The following ZC3H12B variants were observed in gnomAD, a reference collection of about 807,000 sequenced individuals.
ZC3H12B encodes probable ribonuclease ZC3H12B.
In ZC3H12B, 7 loss-of-function variants were observed where a neutral mutation model predicts 43.9. The observed-to-expected ratio is 0.16, with a 90% CI of 0.09 to 0.30. The LOEUF (loss-of-function observed/expected upper bound fraction) is 0.30. Among genes scored for constraint, ZC3H12B ranks in the 10% least tolerant of loss-of-function variants. ZC3H12B has a pLI of 1.00. For synonymous variants in ZC3H12B, 222 were observed against 241.7 expected, an observed-to-expected ratio of 0.92 and a Z score of 0.76; for missense variants, 475 against 670.2, an observed-to-expected ratio of 0.71 and a Z score of 3.22.
chrX:65,484,201 G>C (rs1337881601), upstream of ZC3H12B, among the ~76,000 whole-genome samples: 1 of 111,536 alleles, frequency 9.0e-6, no homozygotes. Flanking sequence ...GGGCCTAACA[G>C]AGGGTGGAGA....
chrX:65,128,541 G>T, the ZC3H12B span, among the ~76,000 whole-genome samples: 3 of 111,682 alleles, frequency 2.7e-5, no homozygotes, highest in Non-Finnish European at 5.6e-5. Context: ...TTTTGGAGTG[G>T]ATTATTCTAA....
In ZC3H12B at chrX:65,373,969, T is replaced by TATA. The variant is rs1315441990; in HGVS notation, n.295+4972_295+4973insTAA. Among the ~76,000 whole-genome samples the TATA allele has an allele frequency of 1.4e-4, 7 of 49,915 alleles. No individual in the cohort carries two copies. The African/African-American group carries it at 1.6e-3, about 12-fold the overall frequency. 43.3% of individuals were successfully genotyped at this position (49,915 alleles called of 115,157 possible). The stretch of plus-strand genomic sequence containing the variant: ...TAGTTATATATATATACTGTATATA[T>TATA]AGTATATATATATACTATATATATA... On this transcript the variant is annotated intron_variant and non_coding_transcript_variant, in intron 2 of 5. Transcript: ENST00000617377.
chrX:65,098,065 A>G, the ZC3H12B span, among the ~76,000 whole-genome samples: 1 of 111,437 alleles, frequency 9.0e-6, no homozygotes, highest in Non-Finnish European at 1.9e-5. Flanking sequence ...CTTTAAAATT[A>G]TTTTGGGAAA....
At chrX:65,410,649 G>A (rs1343251294) in intron 3 of ZC3H12B, among the ~76,000 whole-genome samples, 2 of 111,572 alleles carry the variant, frequency 1.8e-5, no homozygotes, top group South Asian at 3.7e-4. Flanking sequence ...AAAAAAAATA[G>A]CAAAAGATTT....
the ZC3H12B span, among the ~76,000 whole-genome samples, chrX:65,190,640 A>G: frequency 9.2e-6 from 1 of 108,646 alleles, no homozygotes; most frequent in African/African-American, 3.4e-5. Context: ...ATTTTTGTAC[A>G]TTGATTTTGT....
chrX:65,265,076 G>A, the ZC3H12B span, among the ~76,000 whole-genome samples: 1 of 111,525 alleles, frequency 9.0e-6, no homozygotes, highest in Non-Finnish European at 1.9e-5. Context: ...CCTTCCGGAG[G>A]CATAATAATT....
intron 3 of ZC3H12B, among the ~76,000 whole-genome samples, chrX:65,433,130 C>A (rs1323018068): frequency 1.8e-5 from 2 of 112,725 alleles, no homozygotes; most frequent in African/African-American, 6.4e-5. Context: ...TGTTCATTTG[C>A]TGTAGCAATA....
the ZC3H12B span, chrX:65,331,236 A>G: frequency 3.2e-5 from 4 of 123,246 alleles, no homozygotes; most frequent in East Asian, 7.8e-4. Context: ...GGCATCATTT[A>G]TAAGTGATTC....
the ZC3H12B span, among the ~76,000 whole-genome samples, chrX:65,327,681 G>A: frequency 1.8e-3 from 198 of 111,604 alleles, 1 homozygote; most frequent in African/African-American, 4.7e-3. Flanking sequence ...AAAGGGCATA[G>A]TGTCAAAGGA....
chrX:65,362,334 T>C (rs1466233583), upstream of ZC3H12B, among the ~76,000 whole-genome samples: 1 of 111,705 alleles, frequency 9.0e-6, no homozygotes, highest in Non-Finnish European at 1.9e-5. Context: ...CTTACCTCCC[T>C]AACTGTTGTG....
the ZC3H12B span, among the ~76,000 whole-genome samples, chrX:65,230,664 G>A: frequency 3.8e-5 from 4 of 104,116 alleles, no homozygotes; most frequent in Non-Finnish European, 5.8e-5. Flanking sequence ...AAAAATTCTA[G>A]CCTAAATATT....
chrX:65,407,392 G>A (rs1321529730), intron 3 of ZC3H12B, among the ~76,000 whole-genome samples: 3 of 112,679 alleles, frequency 2.7e-5, no homozygotes, highest in African/African-American at 9.7e-5. Context: ...GCCGCCTTCC[G>A]GCGCGCCCTC....
chrX:65,190,770 C>T, the ZC3H12B span, among the ~76,000 whole-genome samples: 13 of 105,970 alleles, frequency 1.2e-4, no homozygotes, highest in East Asian at 3.3e-3. Context: ...TTCCTCTTTT[C>T]CTAATTGAAT....
chrX:65,321,149 C>G, the ZC3H12B span, among the ~76,000 whole-genome samples: 1 of 111,171 alleles, frequency 9.0e-6, no homozygotes. Flanking sequence ...ATGCATCTGA[C>G]AGAGATCTAA....
the ZC3H12B span, among the ~76,000 whole-genome samples, chrX:65,041,613 T>C: frequency 8.9e-6 from 1 of 112,167 alleles, no homozygotes; most frequent in African/African-American, 3.2e-5. Flanking sequence ...AGCAATGTTA[T>C]CTGCATGTAA....
chrX:65,374,458 T>G (rs1809056499), intron 2 of ZC3H12B, among the ~76,000 whole-genome samples: 1 of 105,711 alleles, frequency 9.5e-6, no homozygotes, highest in Non-Finnish European at 1.9e-5. Flanking sequence ...AAAAAAAAAT[T>G]ACTAAGCATT....
chrX:65,068,725 C>A, the ZC3H12B span, among the ~76,000 whole-genome samples: 1 of 110,894 alleles, frequency 9.0e-6, no homozygotes, highest in Non-Finnish European at 1.9e-5. Flanking sequence ...AATTTTGTAC[C>A]TTCAGTTGAT....
At chrX:65,413,219 T>G (rs190567079) in intron 3 of ZC3H12B, among the ~76,000 whole-genome samples, 11 of 112,328 alleles carry the variant, frequency 9.8e-5, no homozygotes, top group Admixed American at 9.4e-4. Flanking sequence ...CAGACATGAT[T>G]TGCAAATGGT....
At chrX:65,224,151 G>A in the ZC3H12B span, among the ~76,000 whole-genome samples, 1 of 112,514 alleles carries the variant, frequency 8.9e-6, no homozygotes, top group South Asian at 3.6e-4. Context: ...GGAATTCACA[G>A]CATCCTGGAT....
Sources: allele counts gnomAD v4.1 joint callset (sites outside exome capture counted in the v4.1 genomes callset), GRCh38; gene constraint gnomAD v4.1.1; transcripts MANE v1.5; gene names NCBI Gene and HGNC (gene_info 2026-07-23, HGNC 2026-07-21).